The following PARD3 variants were observed in gnomAD, a reference collection of about 807,000 sequenced individuals.
The protein encoded by PARD3 is partitioning defective 3 homolog.
A neutral mutation model predicts 155.4 loss-of-function variants in PARD3; 75 were observed. The ratio of observed to expected loss-of-function variants is 0.48; its 90% CI spans 0.40 to 0.58. The LOEUF is 0.58. PARD3 is among the 20% of genes least tolerant of loss of function. The pLI, the probability that PARD3 is intolerant of heterozygous loss-of-function variation, is 0.00. For missense variants in PARD3, 1,642 were observed against 1,721.7 expected (o/e 0.95, Z 0.82); for synonymous variants, 576 against 610.5 (o/e 0.94, Z 0.83).
chr10:34,272,659 A>G (rs978683427), intron 21 of PARD3, among the ~76,000 whole-genome samples: 1 of 152,132 alleles, frequency 6.6e-6, no homozygotes, highest in African/African-American at 2.4e-5. Flanking sequence ...CCTGGAGGCC[A>G]AGACTGCAGT....
intron 17 of PARD3, 52 bp from the exon 18 acceptor site, chr10:34,336,295 C>T (rs1361726311): frequency 7.4e-7 from 1 of 1,350,646 alleles, no homozygotes; most frequent in South Asian, 1.2e-5. Flanking sequence ...CCATAGCCCA[C>T]CATGCTTCCA....
chr10:34,212,387 C>T (rs900959170), intron 22 of PARD3, among the ~76,000 whole-genome samples: 6 of 152,092 alleles, frequency 3.9e-5, no homozygotes, highest in African/African-American at 9.7e-5. Context: ...CTTTCTAGCC[C>T]GACCCCTGAC....
chr10:34,814,340 C>A (rs966252830), intron 1 of PARD3, among the ~76,000 whole-genome samples: 22 of 152,230 alleles, frequency 1.4e-4, no homozygotes, highest in African/African-American at 5.3e-4. Context: ...GGAGGAAAAG[C>A]CCCCCGCCGC....
intron 22 of PARD3, among the ~76,000 whole-genome samples, chr10:34,226,158 C>T (rs548685118): frequency 6.6e-6 from 1 of 152,216 alleles, no homozygotes; most frequent in East Asian, 1.9e-4. Flanking sequence ...AGAAAATAGG[C>T]TATTAATCAA....
At chr10:34,174,181 C>G (rs1949932493) in intron 22 of PARD3, among the ~76,000 whole-genome samples, 1 of 152,180 alleles carries the variant, frequency 6.6e-6, no homozygotes, top group South Asian at 2.1e-4. Context: ...CACTTAGGTG[C>G]TCTATTCTAG....
Position 34,384,122 on chromosome 10 carries a change from CACTT to C in PARD3, c.1016+3_1016+6del, listed in dbSNP as rs1842118500. The stretch of plus-strand genomic sequence containing the variant: ...TAAGAACAGAAGTGCAGCGAGCACA[CACTT>C]ACTGTTCAAATCTTCTATTTCGAAG... On this transcript the variant is annotated splice_donor_5th_base_variant and intron_variant, in intron 8 of 24. Transcript: ENST00000374788. 6.2e-7 allele frequency: 1 copy of C among 1,612,840 alleles called. No homozygotes were observed. Among genetic ancestry groups the C allele is most frequent in the Non-Finnish European group, 8.5e-7 (1 of 1,179,598 alleles).
At chr10:34,686,370 T>C (rs1180363865) in intron 2 of PARD3, among the ~76,000 whole-genome samples, 1 of 151,976 alleles carries the variant, frequency 6.6e-6, no homozygotes, top group Non-Finnish European at 1.5e-5. Flanking sequence ...CTGGCCATAG[T>C]TGAAAATTCT....
At chr10:34,508,027 G>T (rs559839481) in intron 3 of PARD3, among the ~76,000 whole-genome samples, 1 of 152,226 alleles carries the variant, frequency 6.6e-6, no homozygotes, top group South Asian at 2.1e-4. Flanking sequence ...AAAGGTGTTG[G>T]ATATTCTAGA....
At chr10:34,267,205 A>G (rs1278565303) in intron 22 of PARD3, among the ~76,000 whole-genome samples, 1 of 152,156 alleles carries the variant, frequency 6.6e-6, no homozygotes, top group African/African-American at 2.4e-5. Flanking sequence ...AACAATTCCA[A>G]TGGGACATTC....
rs1219396504 is a variant in PARD3, at chr10:34,695,990, CG to C, written c.222+327del. On this transcript the variant is annotated intron_variant, in intron 2 of 24. Coordinates refer to ENST00000374788, the MANE Select transcript of PARD3 (RefSeq NM_001184785.2). ...TACACGGAGATGATAAGGACAGGCC[CG>C]AGTTGTGAAGAAAGATGTTATGTTT... 1.8e-4 allele frequency among the ~76,000 whole-genome samples: 27 copies of C among 152,160 alleles called. 1 individual carries two copies. The highest frequency in any genetic ancestry group is 5.8e-4 in the African/African-American group (24 of 41,518).
chr10:34,519,088 A>G (rs917966434), intron 2 of PARD3, among the ~76,000 whole-genome samples: 3 of 152,218 alleles, frequency 2.0e-5, no homozygotes, highest in Non-Finnish European at 4.4e-5. Flanking sequence ...CTGAAACATA[A>G]ATAAGGCTCT....
chr10:34,335,530 G>A (rs563930966), intron 18 of PARD3, among the ~76,000 whole-genome samples: 9 of 151,966 alleles, frequency 5.9e-5, no homozygotes, highest in East Asian at 5.8e-4. Context: ...AAGCAAAATC[G>A]ATGACTATAA....
Position 34,331,135 on chromosome 10 carries a change from C to T in PARD3, c.2815G>A (p.Asp939Asn), listed in dbSNP as rs1321160619. Residue 939 changes from aspartate (D) to asparagine (N), a missense_variant, in exon 19 of 25, where the codon GAT becomes AAT. Asp to Asn is a conservative substitution (Grantham distance 23, BLOSUM62 1). Coordinates refer to ENST00000374788, the MANE Select transcript of PARD3 (RefSeq NM_001184785.2). Reference protein sequence around the residue: ...SYDKPAVDDDDEGMETLEEDT... With the variant: ...SYDKPAVDDDNEGMETLEEDT... ...AACTTACAGGTCTCCATGCCTTCAT[C>T]ATCATCATCTACCGCGGGTTTATCA... The T allele has an allele frequency of 1.9e-6, 3 of 1,613,448 alleles. No individual in the cohort carries two copies. Among genetic ancestry groups the T allele is most frequent in the South Asian group, 1.1e-5 (1 of 91,064 alleles).
chr10:34,203,833 G>A (rs1397073928), intron 22 of PARD3, among the ~76,000 whole-genome samples: 1 of 152,154 alleles, frequency 6.6e-6, no homozygotes, highest in Non-Finnish European at 1.5e-5. Context: ...GCCTGGTTTT[G>A]CAACAGCAGA....
At chr10:34,453,335 T>C (rs1332818302) in intron 4 of PARD3, among the ~76,000 whole-genome samples, 2 of 152,218 alleles carry the variant, frequency 1.3e-5, no homozygotes, top group East Asian at 1.9e-4. Flanking sequence ...TCTGTTCTAA[T>C]TTTACTTTAA....
At chr10:34,334,346 CAAAAAAAA>C (rs34205005) in intron 18 of PARD3, among the ~76,000 whole-genome samples, 2 of 95,114 alleles carry the variant, frequency 2.1e-5, no homozygotes, top group Non-Finnish European at 4.4e-5. Context: ...TCCCTCTTGC[CAAAAAAAA>C]AAAAAAAAAA....
chr10:34,759,340 T>G (rs1357690673), intron 1 of PARD3, among the ~76,000 whole-genome samples: 1 of 152,150 alleles, frequency 6.6e-6, no homozygotes, highest in African/African-American at 2.4e-5. Flanking sequence ...TACATAATAT[T>G]TAATCAATGA....
At chr10:34,320,570 T>C (rs1958310983) in intron 19 of PARD3, among the ~76,000 whole-genome samples, 1 of 152,214 alleles carries the variant, frequency 6.6e-6, no homozygotes, top group Non-Finnish European at 1.5e-5. Context: ...GGGAACAGAA[T>C]AATGGCAGTG....
chr10:34,285,653 A>G (rs1335413592), intron 20 of PARD3, among the ~76,000 whole-genome samples: 1 of 152,092 alleles, frequency 6.6e-6, no homozygotes, highest in African/African-American at 2.4e-5. Context: ...AATTATTTCT[A>G]TTAATGGCTT....
Sources: allele counts gnomAD v4.1 joint callset (sites outside exome capture counted in the v4.1 genomes callset), GRCh38; gene constraint gnomAD v4.1.1; transcripts MANE v1.5; gene names NCBI Gene and HGNC (gene_info 2026-07-23, HGNC 2026-07-21).